CEP290: variants seen among roughly 807,000 people sequenced by gnomAD.
The protein encoded by CEP290 is centrosomal protein 290.
In CEP290, 317 loss-of-function variants were observed where a neutral mutation model predicts 344.9. That is an observed-to-expected ratio of 0.92 (90% CI 0.84 to 1.01). The LOEUF (loss-of-function observed/expected upper bound fraction) is 1.01, where lower values mean the gene tolerates loss of function less well. CEP290 is among the 50% of genes least tolerant of loss of function. CEP290 has a pLI of 0.00. For missense variants in CEP290, 2,754 were observed against 2,761.4 expected (o/e 1.00, Z 0.06); for synonymous variants, 932 against 895.8 (o/e 1.04, Z -0.72).
intron 14 of CEP290, 27 bp from the exon 15 acceptor site, chr12:88,120,303 A>G (rs2039325630): frequency 7.0e-6 from 8 of 1,137,512 alleles, no homozygotes; most frequent in Non-Finnish European, 9.5e-6. Flanking sequence ...TTAATTTAAA[A>G]TATAACATGG....
rs1250209471 is a variant in CEP290 at position 88,118,745 on chromosome 12, T to TA, written c.1523-3dup. 5 of 1,596,150 alleles carry TA rather than the reference T, an allele frequency of 3.1e-6. No homozygotes were observed. The South Asian group carries it at 5.6e-5, about 18-fold the overall frequency. ...CAATCATTGTCTTTGGTTCAAGGCC[T>TA]ACAATAGAAAGCAATATAATTAAAA... On this transcript the variant is annotated splice_polypyrimidine_tract_variant and splice_region_variant and intron_variant, in intron 15 of 53. Transcript: ENST00000552810.
intron 18 of CEP290, 183 bp from the exon 19 acceptor site, chr12:88,115,365 T>A (rs918455309): frequency 1.5e-4 from 104 of 713,584 alleles, no homozygotes; most frequent in Admixed American, 2.8e-4. Flanking sequence ...CAGATGGTGA[T>A]CTTAATCCCA....
Position 88,141,348 on chromosome 12 carries a change from G to T in CEP290, c.-27-14C>A. ...TGTGCTCCACCTCTGTAACAAAACA[G>T]GTGTATATTAGCATTTTCAAGGTAC... On this transcript the variant is annotated splice_polypyrimidine_tract_variant and intron_variant, in intron 1 of 53. Transcript: ENST00000552810. The T allele has an allele frequency of 7.5e-7, 1 of 1,330,562 alleles. No individual in the cohort carries two copies. The highest frequency in any genetic ancestry group is 1.1e-6 in the Non-Finnish European group (1 of 947,170). 82.4% of individuals were successfully genotyped at this position (1,330,562 alleles called of 1,614,324 possible). A position where few individuals can be genotyped will look rare whatever the true frequency, so the allele number is the denominator to read the frequency against.
At chr12:88,099,783 ATCTT>A (rs2037730803) in intron 26 of CEP290, among the ~76,000 whole-genome samples, 2 of 152,140 alleles carry the variant, frequency 1.3e-5, no homozygotes, top group Non-Finnish European at 2.9e-5. Flanking sequence ...TGTTTTAAAT[ATCTT>A]TCTATCCATT....
rs929739343 is a variant in CEP290 at position 88,141,293 on chromosome 12, T to C, written c.15A>G (p.Ile5Met). MPPN[I>M]NWKEIMKVDP... ...CAACTTTCATTATTTCTTTCCAGTT[T>C]ATATTAGGTGGCATCTTGAATTCTT... Residue 5 changes from isoleucine to methionine, a missense_variant, in exon 2 of 54, where the codon ATA becomes ATG. By Grantham distance (10) the Ile-to-Met change is conservative (BLOSUM62 1). Coordinates refer to ENST00000552810, the MANE Select transcript of CEP290 (RefSeq NM_025114.4). 6.2e-7 allele frequency: 1 copy of C among 1,610,806 alleles called. No individual in the cohort carries two copies.
chr12:88,059,921 T>C lies in CEP290; in HGVS notation c.6622A>G (p.Arg2208Gly). 6.3e-7 allele frequency: 1 copy of C among 1,594,402 alleles called. No homozygotes were observed. Among genetic ancestry groups the C allele is most frequent in the Non-Finnish European group, 8.5e-7 (1 of 1,170,802 alleles). Reference sequence around the variant, plus strand: ...ACTTTTTTAAGTTCTTTACGAAGCCTTTCATTTTCAGCAATAATTTTTTCT... The same window carrying C: ...ACTTTTTTAAGTTCTTTACGAAGCCCTTCATTTTCAGCAATAATTTTTTCT... The part of the protein sequence containing the change: ...GTEKIIAENE[R>G]LRKELKKETD... The change falls in exon 48 of 54, where the codon AGG (arginine) becomes GGG (glycine). Residue 2208 changes from arginine (R) to glycine (G), a missense_variant. Transcript: ENST00000552810.
Position 88,060,939 on chromosome 12 carries a change from T to C in CEP290, c.6413A>G (p.Lys2138Arg). ...TCTCTGGACTTTTTCAACTACTTTT[T>C]TCATTAAACCAATGGTTTTTTCCAG... is the stretch of plus-strand genomic sequence containing the variant. ...PELEKTIGLM[K>R]KVVEKVQREN... The change falls in exon 47 of 54, where the codon AAA becomes AGA. Residue 2138 changes from lysine to arginine, a missense_variant. Coordinates refer to ENST00000552810, the MANE Select transcript of CEP290 (RefSeq NM_025114.4). 6.4e-7 allele frequency: 1 copy of C among 1,560,964 alleles called. No homozygotes were observed. The highest frequency in any genetic ancestry group is 8.7e-7 in the Non-Finnish European group (1 of 1,151,356).
At position 88,084,634 on chromosome 12, in the gene CEP290, T is replaced by A; in HGVS notation, c.4656A>T (p.Lys1552Asn). ...GTTGATACTTCTTTAATACTTCTTC[T>A]TTTTGATTTAACCTTGCTTGCATGT... ...IANMQARLNQKEEVLKKYQRL... is the reference protein window; with the variant it reads ...IANMQARLNQNEEVLKKYQRL... The change falls in exon 35 of 54, where the codon AAA (lysine) becomes AAT (asparagine). Residue 1552 changes from lysine to asparagine, a missense_variant. Physicochemically the swap from Lys to Asn is moderately conservative, Grantham distance 94. Coordinates refer to ENST00000552810, the MANE Select transcript of CEP290 (RefSeq NM_025114.4). 6.2e-7 allele frequency: 1 copy of A among 1,613,270 alleles called. No individual in the cohort carries two copies. Among genetic ancestry groups the A allele is most frequent in the African/African-American group, 1.3e-5 (1 of 75,050 alleles).
intron 53 of CEP290, chr12:88,049,706 G>A (rs2136553306): frequency 4.7e-6 from 1 of 211,634 alleles, no homozygotes; most frequent in Non-Finnish European, 9.2e-6. Context: ...ATAAGAGCTT[G>A]TCAATAGAGC....
intron 29 of CEP290, among the ~76,000 whole-genome samples, chr12:88,092,082 C>G (rs148797185): frequency 2.6e-5 from 4 of 151,936 alleles, no homozygotes; most frequent in Admixed American, 6.6e-5. Flanking sequence ...CCAGCCAGCA[C>G]GCAGTATTTA....
In CEP290 at chr12:88,093,903, A is replaced by G; in HGVS notation, c.3176T>C (p.Ile1059Thr). 2 of 1,610,902 alleles carry G rather than the reference A, an allele frequency of 1.2e-6. No individual in the cohort carries two copies. Among genetic ancestry groups the G allele is most frequent in the Non-Finnish European group, 1.7e-6 (2 of 1,178,202 alleles). The change falls in exon 28 of 54, where the codon ATA becomes ACA. Residue 1059 changes from isoleucine (I) to threonine (T), a missense_variant. Transcript: ENST00000552810. ...TAATTCCTTCATTTCCAGCATAGTT[A>G]TTTTTTTTGAAATGGAAACAATGTC... is the stretch of plus-strand genomic sequence containing the variant. The part of the protein sequence containing the change: ...NSDIVSISKK[I>T]TMLEMKELNE...
chr12:88,075,638 T>G (rs2035711859), intron 41 of CEP290, among the ~76,000 whole-genome samples: 2 of 151,776 alleles, frequency 1.3e-5, no homozygotes, highest in African/African-American at 4.8e-5. Flanking sequence ...GGCACAGGGG[T>G]GGGTTTTGTT....
intron 50 of CEP290, among the ~76,000 whole-genome samples, chr12:88,055,038 G>T (rs1366016260): frequency 6.6e-6 from 1 of 152,124 alleles, no homozygotes; most frequent in Non-Finnish European, 1.5e-5. Context: ...AGAAAACTGG[G>T]TGCCAGACCT....
intron 52 of CEP290, among the ~76,000 whole-genome samples, 189 bp from the exon 53 acceptor site, chr12:88,050,622 T>C (rs1487335762): frequency 6.6e-6 from 1 of 152,192 alleles, no homozygotes; most frequent in African/African-American, 2.4e-5. Context: ...AGTATTATAA[T>C]TTCATAGCAG....
intron 45 of CEP290, among the ~76,000 whole-genome samples, chr12:88,063,158 GA>G (rs1020501560): frequency 2.2e-5 from 3 of 138,300 alleles, no homozygotes; most frequent in African/African-American, 7.8e-5. Context: ...AAAAAAAAAG[GA>G]AAAAAAGTGC....
intron 5 of CEP290, among the ~76,000 whole-genome samples, chr12:88,138,498 A>G (rs973908355): frequency 6.6e-6 from 1 of 152,030 alleles, no homozygotes; most frequent in Non-Finnish European, 1.5e-5. Context: ...CAGATCCCCA[A>G]CTCTCCAGTC....
At chr12:88,141,148 A>G in intron 2 of CEP290, 58 bp downstream of exon 2, 1 of 1,282,976 alleles carries the variant, frequency 7.8e-7, no homozygotes, top group Non-Finnish European at 1.0e-6. Context: ...TTCATATTTT[A>G]TTAATAAATT....
In CEP290 at chr12:88,108,954, T is replaced by C. The variant is rs2038483716; in HGVS notation, c.2483+112A>G. On this transcript the variant is annotated intron_variant, in intron 23 of 53. Transcript: ENST00000552810. The stretch of plus-strand genomic sequence containing the variant: ...GTTACCAGAGTAAAAAAAAATACAA[T>C]TGCAAAGGAAGAAGAAGAAGGGAAG... The C allele has an allele frequency of 1.5e-5, 7 of 476,374 alleles. No homozygotes were observed. The South Asian group carries it at 2.7e-4, about 18-fold the overall frequency. 29.5% of individuals were successfully genotyped at this position (476,374 alleles called of 1,614,324 possible). A position where few individuals can be genotyped will look rare whatever the true frequency, so the allele number is the denominator to read the frequency against.
intron 14 of CEP290, 63 bp from the exon 15 acceptor site, chr12:88,120,339 C>A: frequency 4.6e-6 from 4 of 866,490 alleles, no homozygotes; most frequent in Non-Finnish European, 6.5e-6. Flanking sequence ...TTATCAAGTT[C>A]ATGATTTTTT....
Sources: gnomAD v4.1 joint callset for allele counts (sites outside exome capture counted in the v4.1 genomes callset) on GRCh38, gnomAD v4.1.1 for gene constraint, MANE v1.5 for transcripts, NCBI Gene and HGNC (gene_info 2026-07-23, HGNC 2026-07-21) for gene names.